UGT1A6: variants seen among roughly 807,000 people sequenced by gnomAD.
The protein encoded by UGT1A6 is UDP-glucuronosyltransferase 1A6.
UGT1A6 carries 32 observed loss-of-function variants against 44.4 expected under a neutral mutation model. The ratio of observed to expected loss-of-function variants is 0.72; its 90% CI spans 0.54 to 0.97. The LOEUF (loss-of-function observed/expected upper bound fraction) is 0.97, where lower values mean the gene tolerates loss of function less well. Among genes scored for constraint, UGT1A6 ranks in the 50% least tolerant of loss-of-function variants. The pLI is 0.00. For synonymous variants in UGT1A6, 238 were observed against 248.5 expected, an observed-to-expected ratio of 0.96 and a Z score of 0.40; for missense variants, 685 against 661.9, an observed-to-expected ratio of 1.03 and a Z score of -0.38.
intron 1 of UGT1A6, among the ~76,000 whole-genome samples, chr2:233,761,398 A>G (rs1697764462): frequency 6.6e-6 from 1 of 152,192 alleles, no homozygotes; most frequent in Non-Finnish European, 1.5e-5. Context: ...AGTGGATAGT[A>G]ATCAATTAGA....
chr2:233,760,467 A>G (rs1444464587), intron 1 of UGT1A6: 1 of 1,614,232 alleles, frequency 6.2e-7, no homozygotes, highest in South Asian at 1.1e-5. Context: ...TAGTTGTCCT[A>G]GCACCTGACG....
intron 1 of UGT1A6, chr2:233,743,656 G>T (rs528527073): frequency 7.3e-7 from 1 of 1,367,266 alleles, no homozygotes; most frequent in Admixed American, 1.9e-5. Flanking sequence ...AGACGTACTC[G>T]AAGGGGTCCT....
At chr2:233,753,255 C>T (rs1695165382) in intron 1 of UGT1A6, 1 of 152,170 alleles carries the variant, frequency 6.6e-6, no homozygotes, top group Non-Finnish European at 1.5e-5. Context: ...AAGCAACTAC[C>T]CAGGCACCTT....
chr2:233,711,824 G>A (rs1206489397), intron 1 of UGT1A6, among the ~76,000 whole-genome samples: 1 of 152,226 alleles, frequency 6.6e-6, no homozygotes, highest in African/African-American at 2.4e-5. Flanking sequence ...GGGCGACCAG[G>A]ACAAGGAGGC....
At chr2:233,722,896 G>A (rs1455405356) in intron 1 of UGT1A6, among the ~76,000 whole-genome samples, 3 of 126,364 alleles carry the variant, frequency 2.4e-5, no homozygotes, top group Admixed American at 8.2e-5. Flanking sequence ...TTAAGTGGAA[G>A]TGGATCATCA....
intron 1 of UGT1A6, among the ~76,000 whole-genome samples, chr2:233,726,280 G>C (rs906128531): frequency 6.6e-6 from 1 of 152,198 alleles, no homozygotes; most frequent in Non-Finnish European, 1.5e-5. Context: ...ATGGTCCCAG[G>C]TACTTGGGAG....
chr2:233,740,757 T>C (rs1350241076), intron 1 of UGT1A6: 3 of 151,778 alleles, frequency 2.0e-5, no homozygotes, highest in Non-Finnish European at 2.9e-5. Context: ...CTGAAAACCT[T>C]ATCAAACCGT....
chr2:233,714,620 A>T (rs1224138567), intron 1 of UGT1A6, among the ~76,000 whole-genome samples: 1 of 152,256 alleles, frequency 6.6e-6, no homozygotes, highest in East Asian at 1.9e-4. Context: ...CAGCAAAAAG[A>T]AACCACTAAA....
intron 1 of UGT1A6, among the ~76,000 whole-genome samples, chr2:233,724,167 C>T (rs1161532135): frequency 7.9e-6 from 1 of 127,032 alleles, no homozygotes; most frequent in Non-Finnish European, 1.6e-5. Context: ...GGGGCTGACC[C>T]CCCCATCTCC....
chr2:233,717,042 C>T (rs1248182808), intron 1 of UGT1A6, among the ~76,000 whole-genome samples: 1 of 152,164 alleles, frequency 6.6e-6, no homozygotes, highest in African/African-American at 2.4e-5. Context: ...GATACATGGG[C>T]CTCCGCAGGG....
chr2:233,763,730 G>A (rs559647176), intron 1 of UGT1A6, among the ~76,000 whole-genome samples: 3 of 152,268 alleles, frequency 2.0e-5, no homozygotes, highest in Non-Finnish European at 4.4e-5. Context: ...GCACAACCTG[G>A]CATTGGCGTG....
chr2:233,717,281 T>G (rs1169770811), intron 1 of UGT1A6, among the ~76,000 whole-genome samples: 3 of 152,158 alleles, frequency 2.0e-5, no homozygotes, highest in Non-Finnish European at 4.4e-5. Flanking sequence ...GAAGCTGAGA[T>G]GTTGCACCCA....
chr2:233,715,581 G>A (rs2076458979), intron 1 of UGT1A6, among the ~76,000 whole-genome samples: 1 of 151,966 alleles, frequency 6.6e-6, no homozygotes, highest in Non-Finnish European at 1.5e-5. Flanking sequence ...AGAGCAGCCT[G>A]GGCAACATGC....
At chr2:233,758,458 C>T (rs1696885230) in intron 1 of UGT1A6, among the ~76,000 whole-genome samples, 1 of 152,224 alleles carries the variant, frequency 6.6e-6, no homozygotes, top group Non-Finnish European at 1.5e-5. Context: ...GAAGAATTAT[C>T]ACCCTTAAGG....
In UGT1A6 at chr2:233,769,858, A is replaced by AC. The variant is rs557718673; in HGVS notation, c.1301+1419_1301+1420insC. The AC allele has an allele frequency of 9.4e-6, 1 of 106,936 alleles. No individual in the cohort carries two copies. Among genetic ancestry groups the AC allele is most frequent in the Non-Finnish European group, 1.7e-5 (1 of 60,026 alleles). 6.6% of individuals were successfully genotyped at this position (106,936 alleles called of 1,614,324 possible). On this transcript the variant is annotated intron_variant, in intron 4 of 4. Transcript: ENST00000305139. This position sits in a 1 kb window ranked among gnomAD's most constrained non-coding sequence, Gnocchi z 4.4. Reference sequence around the variant, plus strand: ...GGGCAACAGAGTGAGACCCTGTCTCAAAAAAAAAAAAAAAAATGAAAAGTC... The same window carrying AC: ...GGGCAACAGAGTGAGACCCTGTCTCACAAAAAAAAAAAAAAAATGAAAAGTC...
intron 1 of UGT1A6, among the ~76,000 whole-genome samples, chr2:233,699,825 A>G (rs556434145): frequency 1.3e-5 from 2 of 152,320 alleles, no homozygotes; most frequent in South Asian, 2.1e-4. Flanking sequence ...GTAGTTCTCA[A>G]ATAGAACTAA....
chr2:233,723,429 C>T (rs1350384184), intron 1 of UGT1A6, among the ~76,000 whole-genome samples: 7 of 134,596 alleles, frequency 5.2e-5, no homozygotes, highest in African/African-American at 1.5e-4. Context: ...AGGCTGGTCT[C>T]GAACTCCTGA....
At position 233,693,140 on chromosome 2, in the gene UGT1A6, G is replaced by A; in HGVS notation, c.136G>A (p.Val46Ile). ...CCACTGGCTTAGTATGAAGGATATA[G>A]TTGAGGTTCTCAGTGACCGGGGTCA... is the stretch of plus-strand genomic sequence containing the variant. Reference protein sequence around the residue: ...GSHWLSMKDIVEVLSDRGHEI... With the variant: ...GSHWLSMKDIIEVLSDRGHEI... Residue 46 changes from valine to isoleucine, a missense_variant, in exon 1 of 5, where the codon GTT (valine) becomes ATT (isoleucine). Transcript: ENST00000305139. 1 of 1,614,230 alleles carries A rather than the reference G, an allele frequency of 6.2e-7. No homozygotes were observed. The highest frequency in any genetic ancestry group is 1.1e-5 in the South Asian group (1 of 91,078).
chr2:233,731,290 T>TC (rs2078133988), intron 1 of UGT1A6, among the ~76,000 whole-genome samples: 1 of 151,998 alleles, frequency 6.6e-6, no homozygotes, highest in Non-Finnish European at 1.5e-5. Context: ...CTTTCTTTTT[T>TC]TTTTTTTTAT....
Sources: gnomAD v4.1 joint callset for allele counts (sites outside exome capture counted in the v4.1 genomes callset) on GRCh38, gnomAD v4.1.1 for gene constraint, Gnocchi (gnomAD v3.1) non-coding constraint, MANE v1.5 for transcripts, NCBI Gene and HGNC (gene_info 2026-07-23, HGNC 2026-07-21) for gene names.